Variants in ATP11C observed in about 807,000 individuals in gnomAD.
ATP11C encodes the protein ATPase phospholipid transporting 11C (ATP11C blood group).
ATP11C carries 36 observed loss-of-function variants against 97.4 expected under a neutral mutation model. The observed-to-expected ratio is 0.37, with a 90% CI of 0.28 to 0.49. ATP11C has a LOEUF of 0.49. Among genes scored for constraint, ATP11C ranks in the 20% least tolerant of loss-of-function variants. The pLI is 0.98. For missense variants in ATP11C, 730 were observed against 824.6 expected, an observed-to-expected ratio of 0.89 and a Z score of 1.40; for synonymous variants, 275 against 290.9, an observed-to-expected ratio of 0.95 and a Z score of 0.56.
chrX:139,926,180 G>A (rs1232814898), intron 1 of ATP11C, among the ~76,000 whole-genome samples: 1 of 111,352 alleles, frequency 9.0e-6, no homozygotes, highest in East Asian at 2.8e-4. Flanking sequence ...TTCATTTGTG[G>A]AAGCCCAGAA....
chrX:139,817,288 C>CCT (rs1428698188), intron 3 of ATP11C, among the ~76,000 whole-genome samples: 4 of 112,548 alleles, frequency 3.6e-5, no homozygotes, highest in African/African-American at 1.3e-4. Context: ...CAAGTCCCTG[C>CCT]CTTCATGTAG....
chrX:139,815,298 A>G (rs777152657), intron 4 of ATP11C, among the ~76,000 whole-genome samples: 23 of 112,024 alleles, frequency 2.1e-4, no homozygotes, highest in Non-Finnish European at 3.0e-4. Flanking sequence ...TGTACTCTTG[A>G]GTTAGTTAAT....
Position 139,826,841 on chromosome X carries a change from GA to G in ATP11C, c.28-19del, listed in dbSNP as rs1267174246. The G allele has an allele frequency of 5.0e-6, 6 of 1,190,787 alleles. No homozygotes were observed. The African/African-American group carries it at 1.1e-4, about 21-fold the overall frequency. On this transcript the variant is annotated intron_variant, in intron 1 of 29. Coordinates refer to ENST00000682941, the MANE Select transcript of ATP11C (RefSeq NM_001353812.2). ...CCAGCACACTGACCAAGAGAAAAGG[GA>G]AAAAATTCAGTTTTTCATCACATTT...
At chrX:139,851,678 T>C (rs1050851378) in intron 1 of ATP11C, among the ~76,000 whole-genome samples, 3 of 111,779 alleles carry the variant, frequency 2.7e-5, no homozygotes, top group Non-Finnish European at 3.8e-5. Flanking sequence ...AACAAAGCCA[T>C]AGGAGCAAGG....
chrX:139,800,021 C>CG (rs750611959), intron 8 of ATP11C, 39 bp downstream of exon 8: 1 of 581,085 alleles, frequency 1.7e-6, no homozygotes, highest in African/African-American at 2.4e-5. Context: ...AGACCCCCCC[C>CG]CCCAACCAAA....
intron 1 of ATP11C, among the ~76,000 whole-genome samples, chrX:139,862,928 T>C (rs1173953261): frequency 8.9e-6 from 1 of 111,751 alleles, no homozygotes; most frequent in Non-Finnish European, 1.9e-5. Context: ...AGCATCTGTT[T>C]CTGCATTAAA....
intron 12 of ATP11C, among the ~76,000 whole-genome samples, chrX:139,793,839 A>G (rs2082740669): frequency 9.0e-6 from 1 of 111,605 alleles, no homozygotes; most frequent in Non-Finnish European, 1.9e-5. Flanking sequence ...TCACATTGCT[A>G]TAGTTAGGTC....
intron 27 of ATP11C, among the ~76,000 whole-genome samples, chrX:139,739,284 GT>G (rs2081507168): frequency 9.2e-6 from 1 of 108,671 alleles, no homozygotes; most frequent in Admixed American, 9.8e-5. Context: ...GCATCCAGTT[GT>G]TTTTTGTTTT....
intron 10 of ATP11C, among the ~76,000 whole-genome samples, chrX:139,797,816 G>T (rs929519079): frequency 1.8e-5 from 2 of 111,475 alleles, no homozygotes; most frequent in African/African-American, 3.3e-5. Flanking sequence ...ACAGGGTGAG[G>T]TCTATAGCAG....
Position 139,813,688 on chromosome X carries a change from A to G in ATP11C, c.426+1190T>C, listed in dbSNP as rs193236701. 3.2e-3 allele frequency among the ~76,000 whole-genome samples: 359 copies of G among 111,804 alleles called. 4 individuals carry two copies. Among genetic ancestry groups the G allele is most frequent in the African/African-American group, 0.01 (322 of 30,849 alleles). On this transcript the variant is annotated intron_variant, in intron 5 of 29. Coordinates refer to ENST00000682941, the MANE Select transcript of ATP11C (RefSeq NM_001353812.2). ...CTGAAAAGGCTGTATGATTCTAAAT[A>G]TGTGACATCCTAGGAAAGGCAAAAC...
intron 1 of ATP11C, among the ~76,000 whole-genome samples, chrX:139,920,831 G>A (rs2085248084): frequency 8.9e-6 from 1 of 111,765 alleles, no homozygotes; most frequent in African/African-American, 3.3e-5. Context: ...AGACAGATAG[G>A]AGAGGGCAAA....
In ATP11C at chrX:139,798,722, G is replaced by T. The variant is rs778666537; in HGVS notation, c.732C>A (p.Leu244=). Residue 244 remains leucine (L), a synonymous_variant, in exon 9 of 30, where the codon CTC becomes CTA. Transcript: ENST00000682941. ...AVARSLGPEN[L]LLKGATLKNT... ...TTTTTAGCGTAGCTCCTTTCAGCAA[G>T]AGATTTTCAGGTCCCAAAGACCTAA... is the stretch of plus-strand genomic sequence containing the variant. The T allele has an allele frequency of 8.3e-7, 1 of 1,206,314 alleles. No homozygotes were observed. Among genetic ancestry groups the T allele is most frequent in the Non-Finnish European group, 1.1e-6 (1 of 892,015 alleles).
At position 139,836,491 on chromosome X, in the gene ATP11C, G is replaced by C. The variant is rs752171478; in HGVS notation, c.28-9668C>G. 1.3e-4 allele frequency among the ~76,000 whole-genome samples: 14 copies of C among 111,399 alleles called. No homozygotes were observed. The East Asian group carries it at 3.6e-3, about 29-fold the overall frequency. On this transcript the variant is annotated intron_variant, in intron 1 of 29. Transcript: ENST00000682941. ...GATCGCACCATTGCACTCCAGCCTGGGTGACAGAACGAGACTCTCTCCAAA... is the reference window on the plus strand; with the variant it reads ...GATCGCACCATTGCACTCCAGCCTGCGTGACAGAACGAGACTCTCTCCAAA...
chrX:139,933,119 C>T (rs1482069091), upstream of ATP11C: 1 of 110,861 alleles, frequency 9.0e-6, no homozygotes, highest in Non-Finnish European at 1.9e-5. Flanking sequence ...GCCCCTCCCG[C>T]TCGCCCCCTC....
intron 1 of ATP11C, among the ~76,000 whole-genome samples, chrX:139,835,593 C>T (rs1429410488): frequency 3.7e-5 from 4 of 108,387 alleles, no homozygotes; most frequent in African/African-American, 6.7e-5. Flanking sequence ...TTAGTAAAGA[C>T]GGGTTTTCGC....
chrX:139,813,871 T>C (rs1164720768), intron 5 of ATP11C, among the ~76,000 whole-genome samples: 1 of 111,389 alleles, frequency 9.0e-6, no homozygotes, highest in Non-Finnish European at 1.9e-5. Context: ...TATGTGGATA[T>C]GTATCCTATA....
chrX:139,849,629 T>C (rs929724830), intron 1 of ATP11C, among the ~76,000 whole-genome samples: 1 of 112,268 alleles, frequency 8.9e-6, no homozygotes, highest in Non-Finnish European at 1.9e-5. Flanking sequence ...GGCTGGTCCA[T>C]AGACCCACAC....
intron 1 of ATP11C, among the ~76,000 whole-genome samples, chrX:139,899,723 C>T (rs1298997764): frequency 9.0e-6 from 1 of 111,164 alleles, no homozygotes; most frequent in African/African-American, 3.3e-5. Context: ...TAAAATGATT[C>T]TAAAATAAAA....
intron 3 of ATP11C, among the ~76,000 whole-genome samples, chrX:139,818,523 T>C (rs192148158): frequency 1.8e-5 from 2 of 111,964 alleles, no homozygotes; most frequent in Admixed American, 1.9e-4. Context: ...CCAGAGGAGC[T>C]CCTTTTCAAA....
Sources: allele counts gnomAD v4.1 joint callset (sites outside exome capture counted in the v4.1 genomes callset), GRCh38; gene constraint gnomAD v4.1.1; transcripts MANE v1.5; gene names NCBI Gene and HGNC (gene_info 2026-07-23, HGNC 2026-07-21).